GPHN: variants seen among roughly 807,000 people sequenced by gnomAD.
GPHN encodes gephyrin.
A neutral mutation model predicts 95.5 loss-of-function variants in GPHN; 17 were observed. The observed-to-expected ratio is 0.18, with a 90% CI of 0.12 to 0.27. GPHN has a LOEUF of 0.27. Among genes scored for constraint, GPHN ranks in the 10% least tolerant of loss-of-function variants. GPHN has a pLI of 1.00. For synonymous variants in GPHN, 320 were observed against 322.5 expected (o/e 0.99, Z 0.08); for missense variants, 660 against 978.1 (o/e 0.67, Z 4.34).
intron 1 of GPHN, among the ~76,000 whole-genome samples, chr14:66,588,875 A>G (rs1416144124): frequency 1.3e-5 from 2 of 152,168 alleles, no homozygotes; most frequent in Non-Finnish European, 2.9e-5. Flanking sequence ...TTCAGGGAAT[A>G]CAGAGAACAC....
intron 12 of GPHN, among the ~76,000 whole-genome samples, chr14:67,097,413 A>G (rs1253053139): frequency 6.6e-6 from 1 of 152,174 alleles, no homozygotes; most frequent in Non-Finnish European, 1.5e-5. Flanking sequence ...AGAGTATAAG[A>G]TATAAGGAAG....
At chr14:67,493,322 C>T in the GPHN span, among the ~76,000 whole-genome samples, 6 of 152,172 alleles carry the variant, frequency 3.9e-5, no homozygotes, top group East Asian at 1.9e-4. Flanking sequence ...TTGTCTTTCC[C>T]GCCAAGTGCC....
the GPHN span, among the ~76,000 whole-genome samples, chr14:67,323,261 G>GTGTGTGTGTGTATATATA: frequency 4.0e-5 from 5 of 124,138 alleles, no homozygotes; most frequent in Non-Finnish European, 7.4e-5. Flanking sequence ...GTGTGTGTGT[G>GTGTGTGTGTGTATATATA]TATATATATA....
At chr14:66,884,806 G>A (rs993560033) in intron 5 of GPHN, among the ~76,000 whole-genome samples, 2 of 140,402 alleles carry the variant, frequency 1.4e-5, no homozygotes, top group African/African-American at 2.7e-5. Context: ...GTGTGTGTGT[G>A]TATGTGTGTG....
chr14:67,531,795 C>A, the GPHN span, among the ~76,000 whole-genome samples: 3 of 142,550 alleles, frequency 2.1e-5, no homozygotes, highest in South Asian at 6.8e-4. Context: ...ATAGTCCCAG[C>A]TGTTCATGAG....
chr14:66,656,344 T>C (rs1218369160), intron 1 of GPHN, among the ~76,000 whole-genome samples: 2 of 152,316 alleles, frequency 1.3e-5, no homozygotes, highest in African/African-American at 4.8e-5. Context: ...TTTTGAGGAA[T>C]TGCCTGTGTC....
chr14:67,301,488 A>G, the GPHN span: 11 of 1,544,190 alleles, frequency 7.1e-6, no homozygotes, highest in Non-Finnish European at 9.8e-6. Context: ...ACAGAATACT[A>G]TATATGTGGT....
intron 1 of GPHN, among the ~76,000 whole-genome samples, chr14:66,605,534 T>TTC (rs202154059): frequency 0.012 from 1,772 of 147,698 alleles, 23 homozygotes; most frequent in Non-Finnish European, 0.018. Context: ...CCGATTTTTT[T>TTC]TTTTTTTTTT....
At chr14:67,693,129 CT>C in the GPHN span, 3 of 920,670 alleles carry the variant, frequency 3.3e-6, no homozygotes, top group Non-Finnish European at 5.0e-6. Flanking sequence ...CTCCCTGTGT[CT>C]TCTGGCTGAG....
intron 1 of GPHN, among the ~76,000 whole-genome samples, chr14:66,654,248 G>A (rs1472979169): frequency 6.6e-6 from 1 of 151,974 alleles, no homozygotes; most frequent in Non-Finnish European, 1.5e-5. Context: ...GATTACAGAT[G>A]TGCGCCACCA....
intron 2 of GPHN, among the ~76,000 whole-genome samples, chr14:66,736,544 G>A (rs1041885636): frequency 6.6e-6 from 1 of 151,522 alleles, no homozygotes; most frequent in Non-Finnish European, 1.5e-5. Context: ...GATTACAGGT[G>A]AGCACCACCA....
intron 1 of GPHN, among the ~76,000 whole-genome samples, chr14:66,577,617 T>TA (rs1308957153): frequency 1.3e-5 from 2 of 152,180 alleles, no homozygotes; most frequent in African/African-American, 4.8e-5. Context: ...AATGAATACA[T>TA]ATGCAATCTG....
chr14:67,423,145 T>C, the GPHN span, among the ~76,000 whole-genome samples: 78 of 152,192 alleles, frequency 5.1e-4, no homozygotes, highest in Middle Eastern at 3.4e-3. Flanking sequence ...GTTTTCCCCC[T>C]TTCTGCCCTG....
chr14:67,124,386 A>G (rs2079181034), intron 17 of GPHN, among the ~76,000 whole-genome samples: 1 of 152,180 alleles, frequency 6.6e-6, no homozygotes, highest in Admixed American at 6.5e-5. Context: ...AGCCTGGGCA[A>G]CAAAGCGAGA....
chr14:67,070,788 C>T (rs2076270936), intron 11 of GPHN, among the ~76,000 whole-genome samples: 1 of 148,510 alleles, frequency 6.7e-6, no homozygotes, highest in South Asian at 2.1e-4. Context: ...CTGTGGGTCC[C>T]ACTTGTGTGC....
intron 3 of GPHN, among the ~76,000 whole-genome samples, chr14:66,806,197 C>T (rs1156540386): frequency 6.6e-6 from 1 of 152,194 alleles, no homozygotes; most frequent in African/African-American, 2.4e-5. Context: ...ACGTTGTCCC[C>T]TTTCAGCCAC....
At chr14:67,067,845 G>C (rs374518252) in intron 11 of GPHN, among the ~76,000 whole-genome samples, 1 of 152,176 alleles carries the variant, frequency 6.6e-6, no homozygotes, top group Non-Finnish European at 1.5e-5. Flanking sequence ...CCCGTTTTTC[G>C]AGGTACAATC....
At chr14:67,407,342 C>T in the GPHN span, among the ~76,000 whole-genome samples, 3 of 151,884 alleles carry the variant, frequency 2.0e-5, no homozygotes, top group East Asian at 3.9e-4. Context: ...AGGCTGGTCT[C>T]GAACTCCTGA....
chr14:66,593,868 G>A (rs2061862464), intron 1 of GPHN, among the ~76,000 whole-genome samples: 2 of 152,064 alleles, frequency 1.3e-5, no homozygotes, highest in Non-Finnish European at 2.9e-5. Flanking sequence ...AATTGGAAAG[G>A]AAGAAGTAAA....
Sources: gnomAD v4.1 joint callset for allele counts (sites outside exome capture counted in the v4.1 genomes callset) on GRCh38, gnomAD v4.1.1 for gene constraint, MANE v1.5 for transcripts, NCBI Gene and HGNC (gene_info 2026-07-23, HGNC 2026-07-21) for gene names.